The following TAF4B variants were observed in gnomAD, a reference collection of about 807,000 sequenced individuals.
The protein encoded by TAF4B is TATA-box binding protein associated factor 4b, also known as transcription initiation factor TFIID subunit 4B.
Under a neutral mutation model 86.4 loss-of-function variants are expected in TAF4B, and 38 were observed. The observed-to-expected ratio is 0.44, with a 90% CI of 0.34 to 0.58. The LOEUF (loss-of-function observed/expected upper bound fraction) is 0.58. Among genes scored for constraint, TAF4B ranks in the 20% least tolerant of loss-of-function variants. TAF4B has a pLI of 0.02. For missense variants in TAF4B, 988 were observed against 1,027.6 expected (o/e 0.96, Z 0.53); for synonymous variants, 388 against 391.2 (o/e 0.99, Z 0.10).
intron 14 of TAF4B, among the ~76,000 whole-genome samples, chr18:26,370,392 T>C (rs866955633): frequency 1.6e-4 from 24 of 151,712 alleles, no homozygotes; most frequent in African/African-American, 5.8e-4. Context: ...ATGAGAGATA[T>C]TAGCAGATTC....
chr18:26,309,315 G>C (rs1053980007), intron 9 of TAF4B, among the ~76,000 whole-genome samples: 1 of 111,870 alleles, frequency 8.9e-6, no homozygotes, highest in East Asian at 3.2e-4. Flanking sequence ...AAGCAAAAAT[G>C]AAAACTTTGC....
intron 3 of TAF4B, among the ~76,000 whole-genome samples, chr18:26,267,981 T>C (rs1478029352): frequency 6.6e-6 from 1 of 152,178 alleles, no homozygotes; most frequent in Non-Finnish European, 1.5e-5. Context: ...GCAGGCCCAA[T>C]AAAGCCTTAG....
chr18:26,315,161 T>TCACACACACACACACACACACACA (rs374652887), intron 9 of TAF4B, 68 bp from the exon 10 acceptor site: 3 of 222,962 alleles, frequency 1.3e-5, no homozygotes, highest in Non-Finnish European at 1.4e-5. Flanking sequence ...TCTCTCTCTC[T>TCACACACACACACACACACACACA]CACACACACA....
At position 26,388,151 on chromosome 18, in the gene TAF4B, A is replaced by AT. The variant is rs1978486903; in HGVS notation, c.2422-1690dup. Among the ~76,000 whole-genome samples, 4 of 152,234 alleles carry AT rather than the reference A, an allele frequency of 2.6e-5. No individual in the cohort carries two copies. In the South Asian group the frequency reaches 8.3e-4, roughly 32 times the overall value. ...ATCGAGACGTTTTGTGAAACAAAGG[A>AT]TTTTGTTTTGAAACAAAGGTAAAAA... On this transcript the variant is annotated intron_variant, in intron 14 of 14. Transcript: ENST00000269142.
chr18:26,330,037 A>G (rs2057038620), intron 12 of TAF4B, among the ~76,000 whole-genome samples: 2 of 151,996 alleles, frequency 1.3e-5, no homozygotes, highest in Non-Finnish European at 2.9e-5. Flanking sequence ...CTTTGTAATC[A>G]ATTAGTTTTT....
At chr18:26,280,598 A>G (rs2056436396) in intron 5 of TAF4B, among the ~76,000 whole-genome samples, 1 of 152,206 alleles carries the variant, frequency 6.6e-6, no homozygotes, top group Non-Finnish European at 1.5e-5. Context: ...CAGAACCACA[A>G]TGAGATACCA....
chr18:26,319,970 A>T (rs1000159227), intron 10 of TAF4B, among the ~76,000 whole-genome samples: 2 of 152,144 alleles, frequency 1.3e-5, no homozygotes, highest in Admixed American at 1.3e-4. Context: ...AGAGGATTTC[A>T]GCTTTGTTAC....
intron 1 of TAF4B, among the ~76,000 whole-genome samples, chr18:26,241,019 C>T (rs887495036): frequency 2.0e-5 from 3 of 152,166 alleles, no homozygotes; most frequent in African/African-American, 7.2e-5. Context: ...TATCGATGTT[C>T]ATCAGGGGTA....
At chr18:26,334,167 A>G (rs556824286) in intron 12 of TAF4B, among the ~76,000 whole-genome samples, 1 of 152,282 alleles carries the variant, frequency 6.6e-6, no homozygotes, top group Admixed American at 6.5e-5. Context: ...GAAAAATTTT[A>G]CCAGCTTTGG....
intron 1 of TAF4B, among the ~76,000 whole-genome samples, chr18:26,235,409 G>A (rs761579340): frequency 5.3e-5 from 8 of 152,154 alleles, no homozygotes; most frequent in Non-Finnish European, 1.0e-4. Context: ...AAGATTAGGC[G>A]TAGATATTTG....
chr18:26,321,282 T>G (rs2056960631), intron 11 of TAF4B, 82 bp downstream of exon 11: 1 of 1,448,374 alleles, frequency 6.9e-7, no homozygotes, highest in African/African-American at 1.4e-5. Context: ...CTAAACACGT[T>G]TTTAAAGGAA....
chr18:26,338,844 T>C (rs1431656556), intron 13 of TAF4B, among the ~76,000 whole-genome samples: 5 of 152,216 alleles, frequency 3.3e-5, no homozygotes, highest in Non-Finnish European at 7.3e-5. Context: ...GCATTCCACA[T>C]GTAAGGACAA....
chr18:26,382,469 A>T (rs1248643214), intron 14 of TAF4B, among the ~76,000 whole-genome samples: 2 of 152,046 alleles, frequency 1.3e-5, no homozygotes, highest in Admixed American at 6.6e-5. Flanking sequence ...AATGGCAGAA[A>T]ATAGTCTTTT....
At chr18:26,262,573 C>A (rs901446795) in intron 1 of TAF4B, among the ~76,000 whole-genome samples, 3 of 151,508 alleles carry the variant, frequency 2.0e-5, no homozygotes, top group Non-Finnish European at 4.4e-5. Context: ...CTCCCAGTTT[C>A]AAGCGATTCT....
intron 13 of TAF4B, among the ~76,000 whole-genome samples, chr18:26,338,248 G>C (rs1318869804): frequency 1.3e-5 from 2 of 151,980 alleles, no homozygotes; most frequent in Non-Finnish European, 2.9e-5. Flanking sequence ...AGGAGTTCGA[G>C]ACCAGCCTGG....
chr18:26,385,677 G>C (rs2144402377), intron 14 of TAF4B, among the ~76,000 whole-genome samples: 1 of 71,102 alleles, frequency 1.4e-5, no homozygotes, highest in East Asian at 4.1e-4. Flanking sequence ...AGAATAAACA[G>C]CGTTTTTTTT....
chr18:26,328,164 T>G (rs2057020484), intron 12 of TAF4B, among the ~76,000 whole-genome samples: 1 of 152,146 alleles, frequency 6.6e-6, no homozygotes, highest in African/African-American at 2.4e-5. Flanking sequence ...ACTAACGTAT[T>G]TTGAGGCCGG....
intron 9 of TAF4B, among the ~76,000 whole-genome samples, chr18:26,311,814 C>T (rs2056856416): frequency 6.6e-6 from 1 of 152,076 alleles, no homozygotes; most frequent in Admixed American, 6.6e-5. Flanking sequence ...GATTTTTGAA[C>T]AGGAAAATAA....
chr18:26,296,690 A>T (rs576404870), intron 9 of TAF4B, among the ~76,000 whole-genome samples: 2 of 152,180 alleles, frequency 1.3e-5, no homozygotes, highest in Middle Eastern at 3.2e-3. Flanking sequence ...TTTTCAATAC[A>T]CCAAAAAGAT....
Sources: allele counts gnomAD v4.1 joint callset (sites outside exome capture counted in the v4.1 genomes callset), GRCh38; gene constraint gnomAD v4.1.1; transcripts MANE v1.5; gene names NCBI Gene and HGNC (gene_info 2026-07-23, HGNC 2026-07-21).